Variants in TENM2 observed in about 807,000 individuals in gnomAD.
The protein encoded by TENM2 is teneurin transmembrane protein 2.
TENM2 carries 52 observed loss-of-function variants against 245.2 expected under a neutral mutation model. The ratio of observed to expected loss-of-function variants is 0.21; its 90% CI spans 0.17 to 0.27. The LOEUF (loss-of-function observed/expected upper bound fraction) is 0.27, where lower values mean the gene tolerates loss of function less well. Among genes scored for constraint, TENM2 ranks in the 10% least tolerant of loss-of-function variants. The pLI is 1.00. For synonymous variants in TENM2, 1,363 were observed against 1,438.9 expected (o/e 0.95, Z 1.19); for missense variants, 3,046 against 3,666.8 (o/e 0.83, Z 4.37).
intron 3 of TENM2, among the ~76,000 whole-genome samples, chr5:167,933,751 C>T (rs1778471626): frequency 6.6e-6 from 1 of 152,176 alleles, no homozygotes; most frequent in South Asian, 2.1e-4. Context: ...ACAATGACTT[C>T]CTACCTGAGG....
chr5:167,243,038 T>C, the TENM2 span, among the ~76,000 whole-genome samples: 16 of 152,014 alleles, frequency 1.1e-4, no homozygotes, highest in Middle Eastern at 3.4e-3. Flanking sequence ...TTTTTTTTTT[T>C]CCCATTGAAA....
the TENM2 span, among the ~76,000 whole-genome samples, chr5:167,000,076 T>C: frequency 6.6e-6 from 1 of 152,122 alleles, no homozygotes. Context: ...TAGAGGCATC[T>C]ATAAGATCTG....
chr5:167,380,769 A>C (rs1220596721), intron 2 of TENM2, among the ~76,000 whole-genome samples: 1 of 152,182 alleles, frequency 6.6e-6, no homozygotes, highest in African/African-American at 2.4e-5. Flanking sequence ...TCAGTACTTT[A>C]ACTTCAGTTG....
At chr5:167,547,368 G>C (rs1363922928) in intron 2 of TENM2, among the ~76,000 whole-genome samples, 2 of 152,354 alleles carry the variant, frequency 1.3e-5, no homozygotes, top group Non-Finnish European at 2.9e-5. Context: ...ACCGTGCCCG[G>C]CCTTGGCGGT....
chr5:167,508,589 T>G (rs978957622), intron 2 of TENM2, among the ~76,000 whole-genome samples: 3 of 152,200 alleles, frequency 2.0e-5, no homozygotes, highest in Non-Finnish European at 2.9e-5. Flanking sequence ...AATGCCACTG[T>G]GAGGCATGCA....
chr5:167,454,893 T>C (rs1765819722), intron 2 of TENM2, among the ~76,000 whole-genome samples: 1 of 152,140 alleles, frequency 6.6e-6, no homozygotes, highest in Non-Finnish European at 1.5e-5. Flanking sequence ...AGTTGTCCTC[T>C]CCCAAATGAT....
chr5:168,023,675 A>C (rs574705439), intron 5 of TENM2, among the ~76,000 whole-genome samples: 1 of 152,222 alleles, frequency 6.6e-6, no homozygotes, highest in Non-Finnish European at 1.5e-5. Flanking sequence ...GAGCCATCAG[A>C]CACGTAGGTG....
At chr5:167,830,237 C>T (rs1398096572) in intron 2 of TENM2, among the ~76,000 whole-genome samples, 1 of 152,156 alleles carries the variant, frequency 6.6e-6, no homozygotes, top group Non-Finnish European at 1.5e-5. Flanking sequence ...TTATGAGAGG[C>T]TATTAGAGTG....
At chr5:167,812,406 C>T (rs755338564) in intron 2 of TENM2, among the ~76,000 whole-genome samples, 18 of 152,298 alleles carry the variant, frequency 1.2e-4, no homozygotes, top group Non-Finnish European at 2.4e-4. Flanking sequence ...TCTCTGAGTG[C>T]AGGCACTGCC....
the TENM2 span, among the ~76,000 whole-genome samples, chr5:166,997,298 T>C: frequency 2.0e-5 from 3 of 152,340 alleles, no homozygotes; most frequent in South Asian, 6.2e-4. Flanking sequence ...CTAAGCACTT[T>C]ACATATATTA....
chr5:168,191,899 G>A (rs1760997394), intron 14 of TENM2, among the ~76,000 whole-genome samples: 1 of 152,050 alleles, frequency 6.6e-6, no homozygotes, highest in African/African-American at 2.4e-5. Flanking sequence ...GAAAGTTGGA[G>A]AGCCCCAATT....
At chr5:167,352,842 T>A (rs181733858) in intron 1 of TENM2, among the ~76,000 whole-genome samples, 1 of 152,358 alleles carries the variant, frequency 6.6e-6, no homozygotes. Flanking sequence ...GATTCAACTT[T>A]ATTATTTTTT....
intron 2 of TENM2, among the ~76,000 whole-genome samples, chr5:167,862,937 TTTCC>T (rs1771958068): frequency 6.6e-6 from 1 of 152,222 alleles, no homozygotes; most frequent in South Asian, 2.1e-4. Context: ...ACTACTACCA[TTTCC>T]AGTCAGCCCT....
Position 167,863,430 on chromosome 5 carries a change from C to A in TENM2, c.503-12556C>A, listed in dbSNP as rs533080438. Among the ~76,000 whole-genome samples the A allele has an allele frequency of 2.6e-5, 4 of 151,134 alleles. No homozygotes were observed. In the East Asian group the frequency reaches 5.8e-4, roughly 22 times the overall value. On this transcript the variant is annotated intron_variant, in intron 2 of 28. Transcript: ENST00000518659. ...GGGAGTTTGAGACCAGTCTGGCCAACATGGTGAAATCCTGTCTCTACTAAA... is the reference window on the plus strand; with the variant it reads ...GGGAGTTTGAGACCAGTCTGGCCAAAATGGTGAAATCCTGTCTCTACTAAA...
intron 2 of TENM2, among the ~76,000 whole-genome samples, chr5:167,513,934 A>G (rs1217029287): frequency 6.6e-6 from 1 of 152,174 alleles, no homozygotes; most frequent in Non-Finnish European, 1.5e-5. Flanking sequence ...CTGGGAAGGA[A>G]GAATGATAAG....
At chr5:167,196,404 A>G in the TENM2 span, among the ~76,000 whole-genome samples, 21 of 151,706 alleles carry the variant, frequency 1.4e-4, no homozygotes, top group Admixed American at 1.4e-3. Context: ...ATCCTTGCAC[A>G]TAAGTGTTAT....
At chr5:167,188,002 T>G in the TENM2 span, among the ~76,000 whole-genome samples, 1 of 152,196 alleles carries the variant, frequency 6.6e-6, no homozygotes, top group African/African-American at 2.4e-5. Flanking sequence ...GGAAACCAGG[T>G]GTTAGAGCTG....
chr5:167,194,639 G>A, the TENM2 span, among the ~76,000 whole-genome samples: 1 of 151,958 alleles, frequency 6.6e-6, no homozygotes, highest in African/African-American at 2.4e-5. Flanking sequence ...GGTTGGGACA[G>A]GGTGCAGTTT....
In TENM2 at chr5:168,144,017, T is replaced by C. The variant is rs78078585; in HGVS notation, c.2422+17051T>C. Among the ~76,000 whole-genome samples the C allele has an allele frequency of 1.2e-3, 4 of 3,372 alleles. No individual in the cohort carries two copies. In the East Asian group the frequency reaches 0.4, roughly 337 times the overall value. The allele number at this position is 3,372 out of a possible 152,430, so 2.2% of individuals were successfully genotyped here. A position where few individuals can be genotyped will look rare whatever the true frequency, so the allele number is the denominator to read the frequency against. On this transcript the variant is annotated intron_variant, in intron 12 of 28. Coordinates refer to ENST00000518659, the Ensembl canonical transcript of TENM2. ...GGCATGCACCACCATGCCCAGCTAA[T>C]TTTTTTTTTTTTTGTATTTTTAGTA...
Sources: allele counts gnomAD v4.1 joint callset (sites outside exome capture counted in the v4.1 genomes callset), GRCh38; gene constraint gnomAD v4.1.1; transcripts MANE v1.5; gene names NCBI Gene and HGNC (gene_info 2026-07-23, HGNC 2026-07-21).